Variants in PCDHGB7 observed in about 807,000 individuals in gnomAD.
The protein encoded by PCDHGB7 is protocadherin gamma subfamily B, 7, also known as protocadherin gamma-B7.
Under a neutral mutation model 61.4 loss-of-function variants are expected in PCDHGB7, and 37 were observed. The observed-to-expected ratio is 0.60, with a 90% CI of 0.46 to 0.79. The LOEUF (loss-of-function observed/expected upper bound fraction) is 0.79. Ranked by LOEUF, PCDHGB7 falls within the 30% of genes least tolerant of loss-of-function variation. The probability of loss-of-function intolerance (pLI) is 0.00; values close to 1 mark genes in which losing one functional copy is unlikely to be tolerated. For synonymous variants in PCDHGB7, 464 were observed against 503.5 expected, an observed-to-expected ratio of 0.92 and a Z score of 1.05; for missense variants, 1,166 against 1,202.5, an observed-to-expected ratio of 0.97 and a Z score of 0.45.
At chr5:141,470,139 A>AT (rs146570937) in intron 1 of PCDHGB7, among the ~76,000 whole-genome samples, 7,047 of 152,316 alleles carry the variant, frequency 0.046, 200 homozygotes, top group Middle Eastern at 0.092. Flanking sequence ...AAAAAAAAAG[A>AT]TCATAGATCA....
intron 2 of PCDHGB7, among the ~76,000 whole-genome samples, chr5:141,503,994 A>C (rs1330628079): frequency 6.6e-6 from 1 of 152,158 alleles, no homozygotes; most frequent in Non-Finnish European, 1.5e-5. Context: ...CTTACCTTAC[A>C]GTCACTTAAC....
In PCDHGB7 at chr5:141,477,551, C is replaced by T. The variant is rs372055994; in HGVS notation, c.2416-17256C>T. ...CCTCCCCGGGGCTCCAATACTAAAC[C>T]TAAGTGTCTGGGACCCCGACGCCCC... On this transcript the variant is annotated intron_variant, in intron 1 of 3. Coordinates refer to ENST00000398594, the MANE Select transcript of PCDHGB7 (RefSeq NM_018927.4). The surrounding 1 kb of genome is among the most constrained non-coding windows in gnomAD (Gnocchi z 4.9). The T allele has an allele frequency of 8.1e-6, 13 of 1,614,060 alleles. No homozygotes were observed. Among genetic ancestry groups the T allele is most frequent in the Non-Finnish European group, 1.0e-5 (12 of 1,180,042 alleles).
chr5:141,504,765 C>T lies in PCDHGB7; in HGVS notation c.2475-628C>T, dbSNP rs548234873. ...ATTGAATTTTAGAAATTTCTTCTCC[C>T]TGCTCCAGGGTCTCTTGGGGCCTCC... On this transcript the variant is annotated intron_variant, in intron 2 of 3. Transcript: ENST00000398594. Among the ~76,000 whole-genome samples, 4 of 152,156 alleles carry T rather than the reference C, an allele frequency of 2.6e-5. No homozygotes were observed. The South Asian group carries it at 8.3e-4, about 32-fold the overall frequency.
Position 141,511,376 on chromosome 5 carries a change from G to C in PCDHGB7, c.*203G>C. ...CCAGGGGGTTGAATATGCAAAAGCA[G>C]TTCCGCTGGGAACCCCCATCCAATC... On this transcript the variant is annotated 3_prime_UTR_variant, in exon 4 of 4. Coordinates refer to ENST00000398594, the MANE Select transcript of PCDHGB7 (RefSeq NM_018927.4). 1 of 1,211,520 alleles carries C rather than the reference G, an allele frequency of 8.3e-7. No homozygotes were observed. The allele number at this position is 1,211,520 out of a possible 1,614,324, so 75.0% of individuals were successfully genotyped here.
intron 1 of PCDHGB7, chr5:141,428,729 A>T (rs1362138016): frequency 6.3e-6 from 1 of 159,768 alleles, no homozygotes; most frequent in East Asian, 1.8e-4. Flanking sequence ...AATCTTAAAC[A>T]TATTATATCT....
chr5:141,462,243 A>C (rs141980823), intron 1 of PCDHGB7, among the ~76,000 whole-genome samples: 70 of 152,368 alleles, frequency 4.6e-4, no homozygotes, highest in African/African-American at 1.6e-3. Flanking sequence ...TACAGGTATG[A>C]GCCACCATGA....
rs2099725414 is a variant in PCDHGB7, at chr5:141,491,703, GA to G, written c.2416-3103del. On this transcript the variant is annotated intron_variant, in intron 1 of 3. Coordinates refer to ENST00000398594, the MANE Select transcript of PCDHGB7 (RefSeq NM_018927.4). The surrounding 1 kb of genome is among the most constrained non-coding windows in gnomAD (Gnocchi z 6.9). ...ATACGCTGCGGGAGCGGAGCCAGGT[GA>G]GGGGCTCGGCGCCGCCCCGGGCGAC... is the stretch of plus-strand genomic sequence containing the variant. The G allele has an allele frequency of 3.7e-6, 6 of 1,611,396 alleles. No homozygotes were observed.
Position 141,487,226 on chromosome 5 carries a change from G to A in PCDHGB7, c.2416-7581G>A. ...TCGAGAATCTTCAGCTCCAAGGGAA[G>A]GAGAATCTCGTCTAACCCTCTACTT... is the stretch of plus-strand genomic sequence containing the variant. On this transcript the variant is annotated intron_variant, in intron 1 of 3. Transcript: ENST00000398594. This position sits in a 1 kb window ranked among gnomAD's most constrained non-coding sequence, Gnocchi z 5.0. The A allele has an allele frequency of 6.2e-7, 1 of 1,614,104 alleles. No individual in the cohort carries two copies. Among genetic ancestry groups the A allele is most frequent in the South Asian group, 1.1e-5 (1 of 91,074 alleles).
intron 1 of PCDHGB7, among the ~76,000 whole-genome samples, chr5:141,457,224 A>G (rs1176186371): frequency 6.6e-6 from 1 of 152,158 alleles, no homozygotes; most frequent in African/African-American, 2.4e-5. Flanking sequence ...GTGGTAGGTA[A>G]TTTCCATCTA....
intron 1 of PCDHGB7, chr5:141,427,068 G>A (rs1407368715): frequency 2.2e-6 from 1 of 457,950 alleles, no homozygotes; most frequent in East Asian, 6.9e-5. Flanking sequence ...TGTACTAAAG[G>A]TGACAGCCAC....
chr5:141,482,032 C>T (rs1370023352), intron 1 of PCDHGB7, among the ~76,000 whole-genome samples: 1 of 151,018 alleles, frequency 6.6e-6, no homozygotes, highest in African/African-American at 2.4e-5. Flanking sequence ...TTGCAGTGAG[C>T]CAAGATCATG....
At chr5:141,452,380 G>A (rs1003689226) in intron 1 of PCDHGB7, among the ~76,000 whole-genome samples, 2 of 152,192 alleles carry the variant, frequency 1.3e-5, no homozygotes, top group Admixed American at 1.3e-4. Context: ...GTAGGGAATA[G>A]TATTTAGAAA....
rs1199102847 is a variant in PCDHGB7, at chr5:141,477,997, A to G, written c.2416-16810A>G. 2 of 1,614,112 alleles carry G rather than the reference A, an allele frequency of 1.2e-6. No individual in the cohort carries two copies. Among genetic ancestry groups the G allele is most frequent in the Non-Finnish European group, 1.7e-6 (2 of 1,180,016 alleles). On this transcript the variant is annotated intron_variant, in intron 1 of 3. Coordinates refer to ENST00000398594, the MANE Select transcript of PCDHGB7 (RefSeq NM_018927.4). This position sits in a 1 kb window ranked among gnomAD's most constrained non-coding sequence, Gnocchi z 4.9. ...TTGCCATAGGGCTGCACACTGGTCAAATCAGTACTGCCCGTCCAGTCCAAG... is the reference window on the plus strand; with the variant it reads ...TTGCCATAGGGCTGCACACTGGTCAGATCAGTACTGCCCGTCCAGTCCAAG...
In PCDHGB7 at chr5:141,491,996, G is replaced by T; in HGVS notation, c.2416-2811G>T. ...TCCTTCGAGCTTCCGGTGAATTTCG[G>T]GCGATTTCCGCGGGTGTCGGGGGTC... is the stretch of plus-strand genomic sequence containing the variant. On this transcript the variant is annotated intron_variant, in intron 1 of 3. Coordinates refer to ENST00000398594, the MANE Select transcript of PCDHGB7 (RefSeq NM_018927.4). This position sits in a 1 kb window ranked among gnomAD's most constrained non-coding sequence, Gnocchi z 6.9. The T allele has an allele frequency of 2.9e-6, 2 of 686,328 alleles. No individual in the cohort carries two copies. Among genetic ancestry groups the T allele is most frequent in the Non-Finnish European group, 4.5e-6 (2 of 441,080 alleles). 42.5% of individuals were successfully genotyped at this position (686,328 alleles called of 1,614,324 possible). A position where few individuals can be genotyped will look rare whatever the true frequency, so the allele number is the denominator to read the frequency against.
Position 141,432,483 on chromosome 5 carries a change from T to C in PCDHGB7, c.2415+12209T>C, listed in dbSNP as rs776090923. The C allele has an allele frequency of 6.2e-7, 1 of 1,614,136 alleles. No homozygotes were observed. The highest frequency in any genetic ancestry group is 1.1e-5 in the South Asian group (1 of 91,078). ...CTCCCCACGGACGGTTCCACTGGCG[T>C]GGAGCTGGCTCCCCGCTCCGCAGAG... On this transcript the variant is annotated intron_variant, in intron 1 of 3. Coordinates refer to ENST00000398594, the MANE Select transcript of PCDHGB7 (RefSeq NM_018927.4). The surrounding 1 kb of genome is among the most constrained non-coding windows in gnomAD (Gnocchi z 6.0).
Position 141,419,204 on chromosome 5 carries a change from GC to G in PCDHGB7, c.1346del (p.Ala449GlyfsTer23), listed in dbSNP as rs2096344015. ...TLHITDVNDN[A>X]PVFGQSAYLV... ...GCACATTACTGACGTCAATGACAAC[GC>G]GCCGGTTTTCGGACAGTCAGCCTAC... On this transcript the variant is annotated frameshift_variant, in exon 1 of 4. Coordinates refer to ENST00000398594, the MANE Select transcript of PCDHGB7 (RefSeq NM_018927.4). LOFTEE classifies it high-confidence loss of function. The G allele has an allele frequency of 5.6e-6, 9 of 1,613,916 alleles. No individual in the cohort carries two copies. The highest frequency in any genetic ancestry group is 7.6e-6 in the Non-Finnish European group (9 of 1,179,900).
In PCDHGB7 at chr5:141,485,778, G is replaced by A. The variant is rs575586552; in HGVS notation, c.2416-9029G>A. On this transcript the variant is annotated intron_variant, in intron 1 of 3. Coordinates refer to ENST00000398594, the MANE Select transcript of PCDHGB7 (RefSeq NM_018927.4). The surrounding 1 kb of genome is among the most constrained non-coding windows in gnomAD (Gnocchi z 5.7). ...CTGCTCCTGGAGAAGCCTTTGGATC[G>A]AGAGAAGCAATCGGACTACCGCCTG... is the stretch of plus-strand genomic sequence containing the variant. The A allele has an allele frequency of 1.2e-6, 2 of 1,614,216 alleles. No individual in the cohort carries two copies. Among genetic ancestry groups the A allele is most frequent in the Admixed American group, 1.7e-5 (1 of 60,028 alleles).
chr5:141,429,858 A>T (rs1183727412), intron 1 of PCDHGB7, among the ~76,000 whole-genome samples: 1 of 152,192 alleles, frequency 6.6e-6, no homozygotes, highest in East Asian at 1.9e-4. Context: ...CATTCTTTGG[A>T]CTACCAATTT....
At chr5:141,460,787 C>T (rs1177595415) in intron 1 of PCDHGB7, among the ~76,000 whole-genome samples, 1 of 151,504 alleles carries the variant, frequency 6.6e-6, no homozygotes, top group Non-Finnish European at 1.5e-5. Context: ...TACATATATA[C>T]ACACAAAGTA....
Sources: gnomAD v4.1 joint callset for allele counts (sites outside exome capture counted in the v4.1 genomes callset) on GRCh38, gnomAD v4.1.1 for gene constraint, Gnocchi (gnomAD v3.1) non-coding constraint, MANE v1.5 for transcripts, NCBI Gene and HGNC (gene_info 2026-07-23, HGNC 2026-07-21) for gene names.